The following VPS8 variants were observed in gnomAD, a reference collection of about 807,000 sequenced individuals.
The protein encoded by VPS8 is vacuolar protein sorting-associated protein 8 homolog.
A neutral mutation model predicts 216.4 loss-of-function variants in VPS8; 129 were observed. The ratio of observed to expected loss-of-function variants is 0.60; its 90% CI spans 0.52 to 0.69. The LOEUF is 0.69. Among genes scored for constraint, VPS8 ranks in the 30% least tolerant of loss-of-function variants. The pLI, the probability that VPS8 is intolerant of heterozygous loss-of-function variation, is 0.00. For synonymous variants in VPS8, 571 were observed against 565.4 expected (o/e 1.01, Z -0.14); for missense variants, 1,531 against 1,683.5 (o/e 0.91, Z 1.59).
rs536868459 is a variant in VPS8 at position 185,052,336 on chromosome 3, A to C, written c.*311A>C. 17 of 220,422 alleles carry C rather than the reference A, an allele frequency of 7.7e-5. No individual in the cohort carries two copies. In the East Asian group the frequency reaches 2.0e-3, roughly 27 times the overall value. The allele number at this position is 220,422 out of a possible 1,614,324, so 13.7% of individuals were successfully genotyped here. A position where few individuals can be genotyped will look rare whatever the true frequency, so the allele number is the denominator to read the frequency against. On this transcript the variant is annotated 3_prime_UTR_variant, in exon 48 of 48. Coordinates refer to ENST00000625842, the MANE Select transcript of VPS8 (RefSeq NM_001009921.3). ...TCGCCTATTGCGACTTTTTCCATTT[A>C]CCCTGAAGCCTAGAAAGTAGGTGGA... is the stretch of plus-strand genomic sequence containing the variant.
intron 46 of VPS8, among the ~76,000 whole-genome samples, chr3:185,038,204 C>G (rs901793329): frequency 6.6e-6 from 1 of 152,210 alleles, no homozygotes; most frequent in African/African-American, 2.4e-5. Flanking sequence ...GTAGGCGTAG[C>G]CTTGGGTATG....
chr3:185,005,964 T>G (rs1754191003), intron 45 of VPS8, among the ~76,000 whole-genome samples: 1 of 152,166 alleles, frequency 6.6e-6, no homozygotes, highest in South Asian at 2.1e-4. Context: ...CATCCTTGTC[T>G]TGTTGCAGTT....
At chr3:184,980,561 G>A (rs1392933284) in intron 40 of VPS8, among the ~76,000 whole-genome samples, 1 of 151,600 alleles carries the variant, frequency 6.6e-6, no homozygotes, top group African/African-American at 2.4e-5. Flanking sequence ...TTTATTTGAA[G>A]AACTGGTCTT....
At chr3:184,881,112 T>G (rs898339566) in intron 21 of VPS8, among the ~76,000 whole-genome samples, 3 of 152,198 alleles carry the variant, frequency 2.0e-5, no homozygotes, top group African/African-American at 7.2e-5. Flanking sequence ...TTCATCCTTC[T>G]TAACAGGATC....
intron 5 of VPS8, among the ~76,000 whole-genome samples, chr3:184,835,139 AT>A (rs397826593): frequency 8.8e-4 from 127 of 145,114 alleles, no homozygotes; most frequent in Middle Eastern, 7.1e-3. Flanking sequence ...CAACTGAATG[AT>A]TTTTTTTTTT....
At chr3:184,945,592 A>G (rs1743533667) in intron 36 of VPS8, among the ~76,000 whole-genome samples, 1 of 152,052 alleles carries the variant, frequency 6.6e-6, no homozygotes, top group Non-Finnish European at 1.5e-5. Flanking sequence ...TGTCTCTTAT[A>G]TGTGATTTTT....
At chr3:184,909,862 C>G (rs1355155124) in intron 25 of VPS8, among the ~76,000 whole-genome samples, 3 of 151,878 alleles carry the variant, frequency 2.0e-5, no homozygotes, top group Non-Finnish European at 4.4e-5. Flanking sequence ...AGTATGGGTT[C>G]TCCAGTGAGT....
At chr3:185,051,817 G>T in intron 47 of VPS8, 59 bp from the exon 48 acceptor site, 1 of 1,490,900 alleles carries the variant, frequency 6.7e-7, no homozygotes, top group South Asian at 1.4e-5. Context: ...GTGGATTCAG[G>T]AGCCTCTCTT....
intron 28 of VPS8, 24 bp downstream of exon 28, chr3:184,915,498 G>A (rs373078047): frequency 4.9e-5 from 79 of 1,608,280 alleles, no homozygotes; most frequent in African/African-American, 1.5e-4. Flanking sequence ...TTATTTTAAG[G>A]TGTTTTCAAA....
intron 36 of VPS8, among the ~76,000 whole-genome samples, chr3:184,946,081 G>A (rs950401851): frequency 1.3e-5 from 2 of 152,016 alleles, no homozygotes; most frequent in Admixed American, 6.6e-5. Flanking sequence ...TTATCTATAG[G>A]AGCAGTTGGG....
At chr3:184,866,094 T>C (rs1727305479) in intron 16 of VPS8, among the ~76,000 whole-genome samples, 1 of 152,178 alleles carries the variant, frequency 6.6e-6, no homozygotes, top group South Asian at 2.1e-4. Context: ...TAAAAACTTG[T>C]ATATGAACAC....
intron 37 of VPS8, among the ~76,000 whole-genome samples, chr3:184,963,675 C>G (rs1439159397): frequency 6.6e-6 from 1 of 151,978 alleles, no homozygotes. Flanking sequence ...GAAGCAGTGA[C>G]AGTATGACTT....
At chr3:184,955,488 C>G (rs1745423688) in intron 36 of VPS8, among the ~76,000 whole-genome samples, 1 of 151,936 alleles carries the variant, frequency 6.6e-6, no homozygotes, top group African/African-American at 2.4e-5. Flanking sequence ...TCCTCCTTAC[C>G]CTGCGCCCCC....
intron 5 of VPS8, among the ~76,000 whole-genome samples, chr3:184,838,040 C>A (rs776168112): frequency 6.6e-6 from 1 of 152,190 alleles, no homozygotes; most frequent in African/African-American, 2.4e-5. Context: ...AGAATTGATA[C>A]TCTTACATAT....
intron 36 of VPS8, chr3:184,944,549 T>C: frequency 2.0e-6 from 2 of 985,416 alleles, no homozygotes; most frequent in Non-Finnish European, 2.4e-6. Context: ...GACACGTGTT[T>C]TTTGTGAGGC....
Position 185,052,144 on chromosome 3 carries a change from A to C in VPS8, c.*119A>C, listed in dbSNP as rs1419748924. The C allele has an allele frequency of 5.7e-6, 7 of 1,232,660 alleles. No individual in the cohort carries two copies. Among genetic ancestry groups the C allele is most frequent in the Non-Finnish European group, 7.6e-6 (7 of 918,802 alleles). The allele number at this position is 1,232,660 out of a possible 1,614,324, so 76.4% of individuals were successfully genotyped here. On this transcript the variant is annotated 3_prime_UTR_variant, in exon 48 of 48. Coordinates refer to ENST00000625842, the MANE Select transcript of VPS8 (RefSeq NM_001009921.3). ...CCCACGCTTCTGAGAAGAGGTTCCA[A>C]ATTGGGCTTCTGTGCCCAGAGCGTC... is the stretch of plus-strand genomic sequence containing the variant.
At chr3:185,011,562 C>CAGGT (rs1459278068) in intron 45 of VPS8, among the ~76,000 whole-genome samples, 1 of 152,228 alleles carries the variant, frequency 6.6e-6, no homozygotes, top group Non-Finnish European at 1.5e-5. Context: ...AAAGCAGCAT[C>CAGGT]AGGTACTAAA....
At position 184,930,583 on chromosome 3, in the gene VPS8, A is replaced by G; in HGVS notation, c.2898+15A>G. 1 of 1,578,808 alleles carries G rather than the reference A, an allele frequency of 6.3e-7. No individual in the cohort carries two copies. Among genetic ancestry groups the G allele is most frequent in the South Asian group, 1.1e-5 (1 of 90,226 alleles). ...ATCATATTGAGGTACTGATGCGCAA[A>G]ACTTCACACTTCACCATCTGAACGA... On this transcript the variant is annotated intron_variant, in intron 34 of 47. Coordinates refer to ENST00000625842, the MANE Select transcript of VPS8 (RefSeq NM_001009921.3).
chr3:184,853,203 T>C (rs1560390997), intron 11 of VPS8, among the ~76,000 whole-genome samples: 1 of 152,206 alleles, frequency 6.6e-6, no homozygotes, highest in Non-Finnish European at 1.5e-5. Context: ...CCCAGAGTTA[T>C]AGCTGTGAAC....
Sources: gnomAD v4.1 joint callset for allele counts (sites outside exome capture counted in the v4.1 genomes callset) on GRCh38, gnomAD v4.1.1 for gene constraint, MANE v1.5 for transcripts, NCBI Gene and HGNC (gene_info 2026-07-23, HGNC 2026-07-21) for gene names.